Variants in SLC22A23 observed in about 807,000 individuals in gnomAD.
The protein encoded by SLC22A23 is ion transporter protein.
Under a neutral mutation model 61.0 loss-of-function variants are expected in SLC22A23, and 26 were observed. The observed-to-expected ratio is 0.43, with a 90% CI of 0.31 to 0.59. The LOEUF (loss-of-function observed/expected upper bound fraction) is 0.59. SLC22A23 is among the 20% of genes least tolerant of loss of function. SLC22A23 has a pLI of 0.11. For synonymous variants in SLC22A23, 430 were observed against 413.9 expected (o/e 1.04, Z -0.47); for missense variants, 796 against 934.7 (o/e 0.85, Z 1.94).
rs1275445101 is a variant in SLC22A23 at position 3,456,195 on chromosome 6, T to C, written c.365A>G (p.Asp122Gly). The C allele has an allele frequency of 6.4e-7, 1 of 1,550,988 alleles. No individual in the cohort carries two copies. ...CCCGCGGCACCAGAAGTTGGGCTGG[T>C]CCAGGAGGAACGAGTCCGAGAACTG... ...FSQFSDSFLL[D>G]QPNFWCRGAG... is the part of the protein sequence containing the mutation. Residue 122 changes from aspartate to glycine, a missense_variant, in exon 1 of 10, where the codon GAC (aspartate) becomes GGC (glycine). Transcript: ENST00000406686. The surrounding 1 kb of genome is among the most constrained non-coding windows in gnomAD (Gnocchi z 7.1).
rs1393685633 is a variant in SLC22A23 at position 3,415,814 on chromosome 6, A to C, written c.696T>G (p.Ala232=). Residue 232 remains alanine (A), a synonymous_variant, in exon 2 of 10, where the codon GCT becomes GCG. Transcript: ENST00000406686. ...TTAATCCAACCAGTAAGGAGAACTTAGCGATATGGACCTTCCAGGCATTAT... is the reference window on the plus strand; with the variant it reads ...TTAATCCAACCAGTAAGGAGAACTTCGCGATATGGACCTTCCAGGCATTAT... ...VCDNAWKVHI[A]KFSLLVGLIF... is the part of the protein sequence containing the mutation. 1 of 1,552,238 alleles carries C rather than the reference A, an allele frequency of 6.4e-7. No homozygotes were observed. The highest frequency in any genetic ancestry group is 2.4e-5 in the East Asian group (1 of 41,064).
chr6:3,364,418 C>T (rs1765672737), intron 3 of SLC22A23, among the ~76,000 whole-genome samples: 1 of 152,156 alleles, frequency 6.6e-6, no homozygotes, highest in East Asian at 1.9e-4. Context: ...TTTTCTGACT[C>T]TAGGACAAAG....
At chr6:3,351,740 T>C (rs375635689) in intron 3 of SLC22A23, among the ~76,000 whole-genome samples, 1 of 152,194 alleles carries the variant, frequency 6.6e-6, no homozygotes, top group South Asian at 2.1e-4. Context: ...TATGGAGCCA[T>C]ATTTCTGCTA....
rs116188051 is a variant in SLC22A23 at position 3,353,435 on chromosome 6, G to A, written c.914-29433C>T. Among the ~76,000 whole-genome samples, 794 of 152,284 alleles carry A rather than the reference G, an allele frequency of 5.2e-3. 8 individuals carry two copies. The highest frequency in any genetic ancestry group is 0.018 in the African/African-American group (756 of 41,552). On this transcript the variant is annotated intron_variant, in intron 3 of 9. Transcript: ENST00000406686. ...CTGTGTCTCAACATCTGGCTTGAGC[G>A]GTTTGGCTTCAGGCCTGAATCCCAC... is the stretch of plus-strand genomic sequence containing the variant.
intron 1 of SLC22A23, chr6:3,445,005 G>C: frequency 1.0e-6 from 1 of 985,518 alleles, no homozygotes; most frequent in Non-Finnish European, 1.2e-6. Context: ...TCCAGGGTGG[G>C]GGCTGTTTGC....
At chr6:3,415,904 C>A in intron 1 of SLC22A23, 49 bp from the exon 2 acceptor site, 1 of 1,362,180 alleles carries the variant, frequency 7.3e-7, no homozygotes, top group Non-Finnish European at 1.0e-6. Context: ...ATACACAGAG[C>A]TAGTCGTACT....
At chr6:3,306,049 C>A (rs984093097) in intron 4 of SLC22A23, among the ~76,000 whole-genome samples, 1 of 152,162 alleles carries the variant, frequency 6.6e-6, no homozygotes, top group Non-Finnish European at 1.5e-5. Context: ...AAGCATGGCA[C>A]CAACATCTGC....
intron 3 of SLC22A23, among the ~76,000 whole-genome samples, chr6:3,385,138 GAA>G (rs1301456504): frequency 6.6e-6 from 1 of 152,194 alleles, no homozygotes; most frequent in Non-Finnish European, 1.5e-5. Flanking sequence ...TTGGGAAGAT[GAA>G]AAGAGTTCTG....
In SLC22A23 at chr6:3,387,231, A is replaced by G. The variant is rs898952151; in HGVS notation, c.913+22957T>C. Among the ~76,000 whole-genome samples the G allele has an allele frequency of 6.6e-6, 1 of 152,228 alleles. No homozygotes were observed. The highest frequency in any genetic ancestry group is 6.5e-5 in the Admixed American group (1 of 15,290). On this transcript the variant is annotated intron_variant, in intron 3 of 9. Coordinates refer to ENST00000406686, the MANE Select transcript of SLC22A23 (RefSeq NM_015482.2). This position sits in a 1 kb window ranked among gnomAD's most constrained non-coding sequence, Gnocchi z 5.0. ...GGAGAAGCCTGGCAGACCCCATCTC[A>G]ACTGAGGAAGGTTAGCGTGACCAGT...
chr6:3,315,599 C>G (rs1762591685), intron 4 of SLC22A23, among the ~76,000 whole-genome samples: 2 of 152,178 alleles, frequency 1.3e-5, no homozygotes. Flanking sequence ...GGCATGGTGG[C>G]TCACACATAT....
Position 3,318,205 on chromosome 6 carries a change from A to G in SLC22A23, c.1082+5629T>C, listed in dbSNP as rs1762752022. On this transcript the variant is annotated intron_variant, in intron 4 of 9. Coordinates refer to ENST00000406686, the MANE Select transcript of SLC22A23 (RefSeq NM_015482.2). The surrounding 1 kb of genome is among the most constrained non-coding windows in gnomAD (Gnocchi z 4.3). ...AGCCTTTGTATTTTCTGTATTTCCT[A>G]ATGTTTTAACATCTGGAGCCTTGCT... 1.3e-5 allele frequency among the ~76,000 whole-genome samples: 2 copies of G among 152,014 alleles called. No homozygotes were observed. Among genetic ancestry groups the G allele is most frequent in the Admixed American group, 1.3e-4 (2 of 15,276 alleles).
At chr6:3,283,590 CAT>C (rs1453525383) in intron 9 of SLC22A23, 1 of 442,522 alleles carries the variant, frequency 2.3e-6, no homozygotes, top group Non-Finnish European at 4.2e-6. Flanking sequence ...CAGACACTGA[CAT>C]ATTTCCTGGG....
intron 9 of SLC22A23, among the ~76,000 whole-genome samples, chr6:3,273,841 G>C (rs769120050): frequency 6.6e-6 from 1 of 152,094 alleles, no homozygotes; most frequent in Non-Finnish European, 1.5e-5. Flanking sequence ...GATTACCAAG[G>C]GTTAAAGAGG....
At chr6:3,336,944 G>T (rs1322724455) in intron 3 of SLC22A23, among the ~76,000 whole-genome samples, 3 of 152,050 alleles carry the variant, frequency 2.0e-5, no homozygotes, top group African/African-American at 7.2e-5. Flanking sequence ...CTATAGCTGA[G>T]ACTACAGGCA....
At chr6:3,285,652 G>A (rs1053377931) in intron 7 of SLC22A23, among the ~76,000 whole-genome samples, 1 of 152,218 alleles carries the variant, frequency 6.6e-6, no homozygotes, top group Non-Finnish European at 1.5e-5. Flanking sequence ...GGGGATGGAG[G>A]GAGACAGGCG....
chr6:3,427,521 G>A lies in SLC22A23; in HGVS notation c.655-11666C>T, dbSNP rs932020552. Among the ~76,000 whole-genome samples the A allele has an allele frequency of 1.3e-5, 2 of 152,040 alleles. No individual in the cohort carries two copies. The highest frequency in any genetic ancestry group is 2.9e-5 in the Non-Finnish European group (2 of 68,028). On this transcript the variant is annotated intron_variant, in intron 1 of 9. Transcript: ENST00000406686. This position sits in a 1 kb window ranked among gnomAD's most constrained non-coding sequence, Gnocchi z 4.3. ...ACGAGGATGGAAGACGCCCTCCAGG[G>A]AGCAGCTGTGTTCATAGCTGGGAGA...
At chr6:3,425,266 T>C (rs555786940) in intron 1 of SLC22A23, among the ~76,000 whole-genome samples, 1 of 151,284 alleles carries the variant, frequency 6.6e-6, no homozygotes, top group South Asian at 2.1e-4. Flanking sequence ...GAAAAATTTA[T>C]TTAAAACAAT....
chr6:3,447,895 C>CTTTTT lies in SLC22A23; in HGVS notation c.654+8010_654+8011insAAAAA, dbSNP rs368195068. 9.0e-5 allele frequency among the ~76,000 whole-genome samples: 7 copies of CTTTTT among 78,110 alleles called. 1 individual carries two copies. Among genetic ancestry groups the CTTTTT allele is most frequent in the Non-Finnish European group, 1.4e-4 (6 of 44,092 alleles). 51.2% of individuals were successfully genotyped at this position (78,110 alleles called of 152,430 possible). A position where few individuals can be genotyped will look rare whatever the true frequency, so the allele number is the denominator to read the frequency against. On this transcript the variant is annotated intron_variant, in intron 1 of 9. Coordinates refer to ENST00000406686, the MANE Select transcript of SLC22A23 (RefSeq NM_015482.2). ...GAGCTACCATGCCTGGCCTCTCTCT[C>CTTTTT]TCTTTTTTTTTTTTTTTTTTTGAGA... is the stretch of plus-strand genomic sequence containing the variant.
chr6:3,323,693 A>G (rs1763099778), intron 4 of SLC22A23, 141 bp downstream of exon 4: 1 of 1,000,304 alleles, frequency 1.0e-6, no homozygotes, highest in Non-Finnish European at 1.4e-6. Flanking sequence ...AATTTTTTAA[A>G]AAGAGAGGAA....
Sources: allele counts gnomAD v4.1 joint callset (sites outside exome capture counted in the v4.1 genomes callset), GRCh38; gene constraint gnomAD v4.1.1; non-coding constraint Gnocchi (gnomAD v3.1); transcripts MANE v1.5; gene names NCBI Gene and HGNC (gene_info 2026-07-23, HGNC 2026-07-21).